The following SSBP2 variants were observed in gnomAD, a reference collection of about 807,000 sequenced individuals.
SSBP2 encodes single stranded DNA binding protein 2.
A neutral mutation model predicts 61.8 loss-of-function variants in SSBP2; 17 were observed. The ratio of observed to expected loss-of-function variants is 0.28; its 90% CI spans 0.19 to 0.41. The LOEUF (loss-of-function observed/expected upper bound fraction) is 0.41, where lower values mean the gene tolerates loss of function less well. Ranked by LOEUF, SSBP2 falls within the 10% of genes least tolerant of loss-of-function variation. SSBP2 has a pLI of 1.00. For synonymous variants in SSBP2, 139 were observed against 141.3 expected (o/e 0.98, Z 0.12); for missense variants, 310 against 458.7 (o/e 0.68, Z 2.96).
At chr5:81,535,157 AAC>A (rs1252273769) in intron 4 of SSBP2, among the ~76,000 whole-genome samples, 1 of 152,118 alleles carries the variant, frequency 6.6e-6, no homozygotes, top group Non-Finnish European at 1.5e-5. Flanking sequence ...GACATAAAAA[AAC>A]ACAGCACTAT....
intron 4 of SSBP2, among the ~76,000 whole-genome samples, chr5:81,590,071 C>T (rs1473230800): frequency 2.0e-5 from 3 of 152,084 alleles, no homozygotes; most frequent in South Asian, 4.2e-4. Context: ...TTTTCTACTT[C>T]TGAAAAATGG....
At chr5:81,676,471 T>C (rs1430322464) in intron 1 of SSBP2, among the ~76,000 whole-genome samples, 2 of 152,126 alleles carry the variant, frequency 1.3e-5, no homozygotes, top group South Asian at 2.1e-4. Flanking sequence ...CTTTCTACAA[T>C]CTCATTCCGT....
chr5:81,639,987 T>C (rs1366933475), intron 2 of SSBP2, among the ~76,000 whole-genome samples: 1 of 152,164 alleles, frequency 6.6e-6, no homozygotes, highest in East Asian at 1.9e-4. Flanking sequence ...GTACATAAAG[T>C]ATAAATAAAT....
chr5:81,450,274 G>T (rs1763682529), intron 10 of SSBP2, among the ~76,000 whole-genome samples: 1 of 152,078 alleles, frequency 6.6e-6, no homozygotes, highest in Non-Finnish European at 1.5e-5. Flanking sequence ...CATCTGTCTT[G>T]ACCTCCCAAA....
At chr5:81,598,164 C>A (rs2153546521) in intron 4 of SSBP2, among the ~76,000 whole-genome samples, 1 of 151,972 alleles carries the variant, frequency 6.6e-6, no homozygotes, top group East Asian at 1.9e-4. Context: ...CAAAATCACA[C>A]CAAGATATTT....
At chr5:81,705,927 G>C (rs917362782) in intron 1 of SSBP2, among the ~76,000 whole-genome samples, 5 of 152,168 alleles carry the variant, frequency 3.3e-5, no homozygotes, top group African/African-American at 9.7e-5. Flanking sequence ...ACTGTGGAAA[G>C]CAGTTTGAAG....
intron 10 of SSBP2, among the ~76,000 whole-genome samples, chr5:81,455,792 T>C (rs1298071044): frequency 6.6e-6 from 1 of 152,166 alleles, no homozygotes; most frequent in Non-Finnish European, 1.5e-5. Context: ...ACTTATTATT[T>C]GACAGAGAAT....
intron 4 of SSBP2, among the ~76,000 whole-genome samples, chr5:81,603,339 G>A (rs750502285): frequency 2.0e-5 from 3 of 152,194 alleles, no homozygotes; most frequent in African/African-American, 7.2e-5. Context: ...ACAGAATGGT[G>A]ACATGGTTTT....
intron 10 of SSBP2, among the ~76,000 whole-genome samples, chr5:81,456,268 C>T (rs563950887): frequency 1.3e-5 from 2 of 151,668 alleles, no homozygotes; most frequent in Non-Finnish European, 2.9e-5. Flanking sequence ...GAGTATAATG[C>T]TATACTGAAC....
intron 4 of SSBP2, among the ~76,000 whole-genome samples, chr5:81,526,717 T>C (rs933476523): frequency 2.0e-5 from 3 of 152,022 alleles, no homozygotes; most frequent in African/African-American, 7.2e-5. Context: ...TCAACAAATA[T>C]TTGCACCTAC....
chr5:81,489,286 AG>A lies in SSBP2; in HGVS notation c.395del (p.Pro132LeufsTer8). ...TCCTCAATGGGGGCCTTGGACCTCC[AG>A]GGTACCGAGGTGACATAAAAGGCTA... On this transcript the variant is annotated frameshift_variant, in exon 6 of 17. Transcript: ENST00000320672. LOFTEE classifies it high-confidence loss of function. 1 of 1,607,562 alleles carries A rather than the reference AG, an allele frequency of 6.2e-7. No individual in the cohort carries two copies. The highest frequency in any genetic ancestry group is 8.5e-7 in the Non-Finnish European group (1 of 1,178,142).
chr5:81,424,512 A>G (rs1761831770), intron 16 of SSBP2, among the ~76,000 whole-genome samples: 1 of 152,312 alleles, frequency 6.6e-6, no homozygotes, highest in East Asian at 1.9e-4. Context: ...AGTAGTACAA[A>G]TAACTGTAAG....
intron 1 of SSBP2, among the ~76,000 whole-genome samples, chr5:81,675,773 CATT>C (rs1181973076): frequency 6.6e-6 from 1 of 152,102 alleles, no homozygotes; most frequent in Non-Finnish European, 1.5e-5. Flanking sequence ...ATTTAATCAT[CATT>C]ATGACTCCCT....
At chr5:81,526,261 C>G (rs188771666) in intron 4 of SSBP2, among the ~76,000 whole-genome samples, 1 of 152,056 alleles carries the variant, frequency 6.6e-6, no homozygotes, top group African/African-American at 2.4e-5. Context: ...AGATCTGAAA[C>G]AGTATGCATC....
intron 5 of SSBP2, among the ~76,000 whole-genome samples, chr5:81,506,520 T>TA (rs1339566871): frequency 1.3e-5 from 2 of 152,152 alleles, no homozygotes; most frequent in Non-Finnish European, 2.9e-5. Context: ...TATAACTTCC[T>TA]AAGAGGGAAA....
intron 5 of SSBP2, among the ~76,000 whole-genome samples, chr5:81,513,289 T>C (rs1420536812): frequency 6.6e-6 from 1 of 152,154 alleles, no homozygotes; most frequent in Non-Finnish European, 1.5e-5. Context: ...TCTATGCTTG[T>C]ATAGTTAATA....
At chr5:81,740,194 G>T (rs1756919872) in intron 1 of SSBP2, among the ~76,000 whole-genome samples, 1 of 148,286 alleles carries the variant, frequency 6.7e-6, no homozygotes, top group African/African-American at 2.5e-5. Flanking sequence ...ACATACACAT[G>T]TGTGTATATG....
At position 81,440,604 on chromosome 5, in the gene SSBP2, C is replaced by G. The variant is rs745511120; in HGVS notation, c.882G>C (p.Met294Ile). Reference sequence around the variant, plus strand: ...GTGACTCCATTCCTCCTAATCCACCCATGGGACCATCTGACCCAGGACCCA... The same window carrying G: ...GTGACTCCATTCCTCCTAATCCACCGATGGGACCATCTGACCCAGGACCCA... Residue 294 changes from methionine to isoleucine, a missense_variant, in exon 14 of 17, where the codon ATG becomes ATC. Physicochemically the swap from Met to Ile is conservative, Grantham distance 10 (BLOSUM62 1). Transcript: ENST00000320672. The G allele has an allele frequency of 6.2e-7, 1 of 1,613,382 alleles. No individual in the cohort carries two copies. Among genetic ancestry groups the G allele is most frequent in the Non-Finnish European group, 8.5e-7 (1 of 1,179,642 alleles).
intron 4 of SSBP2, among the ~76,000 whole-genome samples, chr5:81,597,054 C>A (rs958757151): frequency 6.1e-4 from 93 of 152,208 alleles, no homozygotes; most frequent in Non-Finnish European, 4.6e-4. Context: ...GTACAGGCAA[C>A]CTGTTGGGAG....
Sources: allele counts gnomAD v4.1 joint callset (sites outside exome capture counted in the v4.1 genomes callset), GRCh38; gene constraint gnomAD v4.1.1; transcripts MANE v1.5; gene names NCBI Gene and HGNC (gene_info 2026-07-23, HGNC 2026-07-21).